STXBP4: variants seen among roughly 807,000 people sequenced by gnomAD.
The protein encoded by STXBP4 is syntaxin binding protein 4.
Under a neutral mutation model 76.1 loss-of-function variants are expected in STXBP4, and 55 were observed. The ratio of observed to expected loss-of-function variants is 0.72; its 90% CI spans 0.58 to 0.91. The LOEUF (loss-of-function observed/expected upper bound fraction) is 0.91. Among genes scored for constraint, STXBP4 ranks in the 40% least tolerant of loss-of-function variants. STXBP4 has a pLI of 0.00. For synonymous variants in STXBP4, 201 were observed against 220.2 expected, an observed-to-expected ratio of 0.91 and a Z score of 0.77; for missense variants, 618 against 636.9, an observed-to-expected ratio of 0.97 and a Z score of 0.32.
At chr17:55,042,829 A>C (rs1270386117) in intron 10 of STXBP4, among the ~76,000 whole-genome samples, 1 of 152,128 alleles carries the variant, frequency 6.6e-6, no homozygotes, top group East Asian at 1.9e-4. Flanking sequence ...GGCTCATGTA[A>C]ACCATCTGAT....
chr17:55,050,491 G>A (rs2078846129), intron 12 of STXBP4, among the ~76,000 whole-genome samples: 1 of 152,050 alleles, frequency 6.6e-6, no homozygotes, highest in Non-Finnish European at 1.5e-5. Context: ...ATTGGGGGAT[G>A]ACGGAGGACA....
the STXBP4 span, among the ~76,000 whole-genome samples, chr17:55,180,595 A>G: frequency 6.6e-6 from 1 of 152,242 alleles, no homozygotes; most frequent in Non-Finnish European, 1.5e-5. Context: ...GAGGAAATGG[A>G]GACTTTACAG....
intron 16 of STXBP4, among the ~76,000 whole-genome samples, chr17:55,135,391 G>A (rs1364707143): frequency 6.6e-6 from 1 of 151,934 alleles, no homozygotes; most frequent in Non-Finnish European, 1.5e-5. Flanking sequence ...CAACAATGAT[G>A]TATATAACCA....
In STXBP4 at chr17:55,173,181, AT is replaced by A. The variant is rs1567791633; in HGVS notation, c.*13276del. 6.6e-6 allele frequency: 1 copy of A among 152,148 alleles called. No homozygotes were observed. The highest frequency in any genetic ancestry group is 6.5e-5 in the Admixed American group (1 of 15,276). The allele number at this position is 152,148 out of a possible 1,614,324, so 9.4% of individuals were successfully genotyped here. A position where few individuals can be genotyped will look rare whatever the true frequency, so the allele number is the denominator to read the frequency against. Reference sequence around the variant, plus strand: ...TGAGTTGTTATAGTTAAAGTTTATTATTTTTTAATGCAGAAAAAAGTGACTT... The same window carrying A: ...TGAGTTGTTATAGTTAAAGTTTATTATTTTTAATGCAGAAAAAAGTGACTT... On this transcript the variant is annotated 3_prime_UTR_variant, in exon 18 of 18. Transcript: ENST00000376352.
chr17:55,089,016 A>G (rs1472977607), intron 16 of STXBP4, among the ~76,000 whole-genome samples: 1 of 152,252 alleles, frequency 6.6e-6, no homozygotes, highest in Non-Finnish European at 1.5e-5. Flanking sequence ...GATGCTCCAC[A>G]GAGCACCCCA....
At chr17:55,032,861 A>G (rs2144688032) in intron 9 of STXBP4, among the ~76,000 whole-genome samples, 1 of 152,302 alleles carries the variant, frequency 6.6e-6, no homozygotes, top group South Asian at 2.1e-4. Flanking sequence ...GCTGGCCACC[A>G]GATTGCCCTG....
chr17:55,142,697 T>G (rs936825211), intron 17 of STXBP4, among the ~76,000 whole-genome samples: 2 of 152,238 alleles, frequency 1.3e-5, no homozygotes, highest in Non-Finnish European at 2.9e-5. Context: ...AGCTTTGTAT[T>G]TGAAAAAATT....
At chr17:55,059,847 A>T (rs963911762) in intron 12 of STXBP4, among the ~76,000 whole-genome samples, 1 of 152,130 alleles carries the variant, frequency 6.6e-6, no homozygotes, top group Admixed American at 6.5e-5. Context: ...AAAAAGGTCT[A>T]TGCAGAAGAC....
the STXBP4 span, among the ~76,000 whole-genome samples, chr17:55,186,865 A>G: frequency 1.3e-5 from 2 of 152,098 alleles, no homozygotes; most frequent in African/African-American, 4.8e-5. Context: ...TCACAGCTAT[A>G]TCCTTATTTT....
chr17:55,050,780 G>A (rs907745398), intron 12 of STXBP4, among the ~76,000 whole-genome samples: 1 of 152,150 alleles, frequency 6.6e-6, no homozygotes, highest in African/African-American at 2.4e-5. Flanking sequence ...CGATTCTCCT[G>A]CCTCAGCCTC....
intron 16 of STXBP4, among the ~76,000 whole-genome samples, chr17:55,139,981 C>T (rs1005316213): frequency 1.3e-5 from 2 of 151,982 alleles, no homozygotes; most frequent in South Asian, 2.1e-4. Flanking sequence ...AAGCAAATGG[C>T]GATAGAGTAA....
At chr17:55,121,125 T>C (rs2079839331) in intron 16 of STXBP4, among the ~76,000 whole-genome samples, 2 of 152,146 alleles carry the variant, frequency 1.3e-5, no homozygotes, top group Admixed American at 6.6e-5. Flanking sequence ...GAAGATTCAG[T>C]ACCCTCAAAG....
intron 8 of STXBP4, among the ~76,000 whole-genome samples, chr17:55,014,308 G>C (rs971142701): frequency 6.6e-6 from 1 of 152,104 alleles, no homozygotes; most frequent in Non-Finnish European, 1.5e-5. Context: ...CAACAAACGG[G>C]TGTTCCTTCT....
chr17:55,018,953 C>T (rs2078256805), intron 8 of STXBP4, among the ~76,000 whole-genome samples: 1 of 152,140 alleles, frequency 6.6e-6, no homozygotes, highest in South Asian at 2.1e-4. Context: ...GGCTCAGAGC[C>T]CTGACAAGGT....
At chr17:55,137,199 T>C (rs1358887351) in intron 16 of STXBP4, among the ~76,000 whole-genome samples, 1 of 152,156 alleles carries the variant, frequency 6.6e-6, no homozygotes, top group Non-Finnish European at 1.5e-5. Context: ...ATTCCATTTA[T>C]GTGATGAATG....
chr17:55,193,307 T>G, the STXBP4 span, among the ~76,000 whole-genome samples: 3 of 152,072 alleles, frequency 2.0e-5, no homozygotes, highest in African/African-American at 7.2e-5. Flanking sequence ...AAGGACCACA[T>G]GCAAGGGAAT....
At chr17:55,013,311 G>A (rs1300127865) in intron 8 of STXBP4, among the ~76,000 whole-genome samples, 1 of 152,214 alleles carries the variant, frequency 6.6e-6, no homozygotes, top group Admixed American at 6.5e-5. Flanking sequence ...TGGGACTTGG[G>A]TTAAGGCCTT....
intron 17 of STXBP4, among the ~76,000 whole-genome samples, chr17:55,142,501 T>C (rs1040977239): frequency 2.6e-5 from 4 of 152,166 alleles, no homozygotes; most frequent in Non-Finnish European, 5.9e-5. Flanking sequence ...AGCTTTCACA[T>C]CATATACTGA....
chr17:55,047,960 T>A (rs1430377643), intron 12 of STXBP4, among the ~76,000 whole-genome samples: 1 of 151,728 alleles, frequency 6.6e-6, no homozygotes, highest in African/African-American at 2.4e-5. Flanking sequence ...CTTGAAAAAT[T>A]CTGAAATAAA....
Sources: gnomAD v4.1 joint callset for allele counts (sites outside exome capture counted in the v4.1 genomes callset) on GRCh38, gnomAD v4.1.1 for gene constraint, MANE v1.5 for transcripts, NCBI Gene and HGNC (gene_info 2026-07-23, HGNC 2026-07-21) for gene names.